Variants in RNF220 observed in about 807,000 individuals in gnomAD.
RNF220 encodes ring finger protein 220, also known as E3 ubiquitin-protein ligase RNF220.
RNF220 carries 7 observed loss-of-function variants against 67.1 expected under a neutral mutation model. The observed-to-expected ratio is 0.10, with a 90% confidence interval of 0.06 to 0.20. The LOEUF (loss-of-function observed/expected upper bound fraction) is 0.20. RNF220 is among the 10% of genes least tolerant of loss of function. The pLI is 1.00. For missense variants in RNF220, 565 were observed against 740.3 expected (o/e 0.76, Z 2.75); for synonymous variants, 270 against 283.2 (o/e 0.95, Z 0.47).
chr1:44,578,305 T>C (rs186753244), intron 2 of RNF220, among the ~76,000 whole-genome samples: 22 of 151,732 alleles, frequency 1.4e-4, no homozygotes, highest in African/African-American at 4.8e-4. Flanking sequence ...TGGGCCACCA[T>C]GCCCAGCTCA....
chr1:44,569,478 A>G lies in RNF220; in HGVS notation c.626-44687A>G, dbSNP rs186401931. On this transcript the variant is annotated intron_variant, in intron 2 of 14. Transcript: ENST00000361799. Reference sequence around the variant, plus strand: ...TTCATGAAATTATGGGCTGACGATGATAGTTTAATCTTTTAGACTTTATAT... The same window carrying G: ...TTCATGAAATTATGGGCTGACGATGGTAGTTTAATCTTTTAGACTTTATAT... Among the ~76,000 whole-genome samples, 5 of 152,352 alleles carry G rather than the reference A, an allele frequency of 3.3e-5. No individual in the cohort carries two copies. The East Asian group carries it at 9.6e-4, about 29-fold the overall frequency.
intron 2 of RNF220, among the ~76,000 whole-genome samples, chr1:44,480,562 T>G (rs1464777376): frequency 6.6e-6 from 1 of 152,172 alleles, no homozygotes; most frequent in Non-Finnish European, 1.5e-5. Context: ...TGAGAAGGAA[T>G]GGACAATAGA....
chr1:44,607,230 T>G (rs1174384005), intron 2 of RNF220, among the ~76,000 whole-genome samples: 1 of 152,244 alleles, frequency 6.6e-6, no homozygotes, highest in Non-Finnish European at 1.5e-5. Flanking sequence ...CTGGCTACTT[T>G]GCAGTTAGAA....
intron 2 of RNF220, among the ~76,000 whole-genome samples, chr1:44,503,361 G>T (rs550099765): frequency 1.4e-5 from 2 of 147,580 alleles, no homozygotes; most frequent in Non-Finnish European, 3.0e-5. Context: ...AAAAAGAAGC[G>T]TTTACCAAGG....
chr1:44,636,227 C>T (rs991420373), intron 8 of RNF220, 65 bp downstream of exon 8: 2 of 1,562,962 alleles, frequency 1.3e-6, no homozygotes, highest in African/African-American at 1.4e-5. Flanking sequence ...TATCCATCTG[C>T]TGGAAGCCAA....
intron 2 of RNF220, among the ~76,000 whole-genome samples, chr1:44,571,446 T>A (rs1297889210): frequency 6.6e-6 from 1 of 152,222 alleles, no homozygotes; most frequent in Non-Finnish European, 1.5e-5. Context: ...TTTTCCTTCA[T>A]TTTGCGTGTG....
At chr1:44,463,705 A>G (rs1175203866) in intron 2 of RNF220, among the ~76,000 whole-genome samples, 5 of 152,180 alleles carry the variant, frequency 3.3e-5, no homozygotes, top group Non-Finnish European at 5.9e-5. Context: ...ATTGGCTTCC[A>G]TGTAGACATT....
At chr1:44,480,983 G>A (rs1406343438) in intron 2 of RNF220, among the ~76,000 whole-genome samples, 1 of 152,190 alleles carries the variant, frequency 6.6e-6, no homozygotes, top group East Asian at 1.9e-4. Flanking sequence ...TCAGGATTTG[G>A]CAATATGGAG....
chr1:44,490,960 A>G (rs1053091209), intron 2 of RNF220, among the ~76,000 whole-genome samples: 1 of 152,220 alleles, frequency 6.6e-6, no homozygotes, highest in African/African-American at 2.4e-5. Context: ...ATGTACAAAT[A>G]TATGCCAAAA....
intron 6 of RNF220, chr1:44,635,139 G>A (rs1364225284): frequency 6.1e-6 from 1 of 165,238 alleles, no homozygotes; most frequent in Non-Finnish European, 1.3e-5. Flanking sequence ...CATCGGAGGG[G>A]TTAGGTTCTA....
At chr1:44,617,145 C>G (rs141389089) in intron 3 of RNF220, among the ~76,000 whole-genome samples, 1 of 152,178 alleles carries the variant, frequency 6.6e-6, no homozygotes, top group South Asian at 2.1e-4. Context: ...CACGCGCCCC[C>G]CTCCAACCGG....
intron 2 of RNF220, among the ~76,000 whole-genome samples, chr1:44,479,836 G>A (rs140335782): frequency 9.5e-4 from 144 of 152,292 alleles, no homozygotes; most frequent in African/African-American, 3.5e-3. Context: ...TCACTTTCTT[G>A]TTAGTGCTTC....
At chr1:44,556,040 T>C (rs1308719463) in intron 2 of RNF220, among the ~76,000 whole-genome samples, 1 of 149,772 alleles carries the variant, frequency 6.7e-6, no homozygotes, top group East Asian at 2.0e-4. Context: ...GTGCTTCTTT[T>C]GTGTGTGTGT....
At chr1:44,456,076 A>C (rs1653143846) in intron 2 of RNF220, among the ~76,000 whole-genome samples, 1 of 152,216 alleles carries the variant, frequency 6.6e-6, no homozygotes, top group South Asian at 2.1e-4. Flanking sequence ...GATTCTCTTA[A>C]TTTGGAGAAA....
intron 2 of RNF220, among the ~76,000 whole-genome samples, chr1:44,509,235 A>G (rs2148117350): frequency 6.6e-6 from 1 of 152,322 alleles, no homozygotes; most frequent in South Asian, 2.1e-4. Context: ...TATCCGAGCA[A>G]CAAGGAGGAT....
rs1283146005 is a variant in RNF220 at position 44,624,731 on chromosome 1, C to T, written c.805-1566C>T. On this transcript the variant is annotated intron_variant, in intron 4 of 14. Transcript: ENST00000361799. The surrounding 1 kb of genome is among the most constrained non-coding windows in gnomAD (Gnocchi z 4.2). ...GGGCCTTAGACAAGATTGATGGCCT[C>T]GTTGCCATTAAGAAAAAAATTAGCC... Among the ~76,000 whole-genome samples the T allele has an allele frequency of 1.3e-5, 2 of 151,954 alleles. No homozygotes were observed. The highest frequency in any genetic ancestry group is 6.6e-5 in the Admixed American group (1 of 15,246).
intron 2 of RNF220, among the ~76,000 whole-genome samples, chr1:44,518,187 A>C (rs2148145585): frequency 6.6e-6 from 1 of 152,228 alleles, no homozygotes; most frequent in South Asian, 2.1e-4. Context: ...GCATTTTGGG[A>C]GGCCAAGGTG....
intron 2 of RNF220, among the ~76,000 whole-genome samples, chr1:44,459,470 G>T (rs1281624194): frequency 7.0e-6 from 1 of 143,124 alleles, no homozygotes; most frequent in African/African-American, 2.6e-5. Context: ...CCCAAAACTG[G>T]TATACTGCAT....
In RNF220 at chr1:44,645,554, C is replaced by A; in HGVS notation, c.1445+66C>A. 3 of 1,516,582 alleles carry A rather than the reference C, an allele frequency of 2.0e-6. No individual in the cohort carries two copies. The highest frequency in any genetic ancestry group is 2.7e-6 in the Non-Finnish European group (3 of 1,100,462). 93.9% of individuals were successfully genotyped at this position (1,516,582 alleles called of 1,614,324 possible). A position where few individuals can be genotyped will look rare whatever the true frequency, so the allele number is the denominator to read the frequency against. On this transcript the variant is annotated intron_variant, in intron 12 of 14. Transcript: ENST00000361799. The surrounding 1 kb of genome is among the most constrained non-coding windows in gnomAD (Gnocchi z 5.0). ...AGTGGGAGGAGGGGCCCTTTGCTAG[C>A]AGGAAGGCCTGCTGCCAGGGCTTCT...
Sources: allele counts gnomAD v4.1 joint callset (sites outside exome capture counted in the v4.1 genomes callset), GRCh38; gene constraint gnomAD v4.1.1; non-coding constraint Gnocchi (gnomAD v3.1); transcripts MANE v1.5; gene names NCBI Gene and HGNC (gene_info 2026-07-23, HGNC 2026-07-21).